The following PLEKHG4B variants were observed in gnomAD, a reference collection of about 807,000 sequenced individuals.
The protein encoded by PLEKHG4B is pleckstrin homology and RhoGEF domain containing G4B.
Under a neutral mutation model 121.3 loss-of-function variants are expected in PLEKHG4B, and 111 were observed. The ratio of observed to expected loss-of-function variants is 0.92; its 90% confidence interval spans 0.78 to 1.07. PLEKHG4B has a LOEUF of 1.07. Ranked by LOEUF, PLEKHG4B falls within the 50% of genes least tolerant of loss-of-function variation. The pLI is 0.00. For missense variants in PLEKHG4B, 1,831 were observed against 1,757.8 expected (o/e 1.04, Z -0.74); for synonymous variants, 738 against 725.0 (o/e 1.02, Z -0.29).
chr5:143,559 G>A, intron 5 of PLEKHG4B, 56 bp downstream of exon 5: 1 of 1,591,014 alleles, frequency 6.3e-7, no homozygotes, highest in Middle Eastern at 1.7e-4. Flanking sequence ...AGCTGCATGT[G>A]TGTGGCAAAG....
intron 2 of PLEKHG4B, among the ~76,000 whole-genome samples, chr5:115,074 G>C (rs1478952550): frequency 6.6e-6 from 1 of 152,210 alleles, no homozygotes; most frequent in Non-Finnish European, 1.5e-5. Context: ...ACTCTCTATG[G>C]CAGCTATAGT....
At chr5:176,366 C>G (rs568859403) in intron 18 of PLEKHG4B, among the ~76,000 whole-genome samples, 18 of 152,370 alleles carry the variant, frequency 1.2e-4, no homozygotes, top group Admixed American at 5.9e-4. Flanking sequence ...TCTGGTGTTC[C>G]AAGCACCTGG....
At chr5:174,133 CA>C (rs1457216660) in intron 18 of PLEKHG4B, 35 bp downstream of exon 18, 2 of 1,448,146 alleles carry the variant, frequency 1.4e-6, no homozygotes, top group South Asian at 2.5e-5. Flanking sequence ...CTGCCAGGCT[CA>C]GGGGCACAGC....
intron 1 of PLEKHG4B, among the ~76,000 whole-genome samples, chr5:112,692 T>G (rs1277139413): frequency 6.6e-6 from 1 of 152,220 alleles, no homozygotes; most frequent in Non-Finnish European, 1.5e-5. Context: ...CAGTACTGTT[T>G]AAATGAAAAC....
At position 163,007 on chromosome 5, in the gene PLEKHG4B, C is replaced by T. The variant is rs116565257; in HGVS notation, c.2935C>T (p.Arg979Cys). 352 of 1,565,402 alleles carry T rather than the reference C, an allele frequency of 2.2e-4. 1 individual carries two copies. The East Asian group carries it at 5.6e-3, about 25-fold the overall frequency. The change falls in exon 13 of 20, where the codon CGT becomes TGT. Residue 979 changes from arginine to cysteine, a missense_variant. Arg to Cys is a radical substitution (Grantham distance 180). Coordinates refer to ENST00000637938, the MANE Select transcript of PLEKHG4B (RefSeq NM_052909.5). ...PLAQSPPKHE[R>C]AQEAMRRHQK... ...TGCCCAGAGCCCCCCAAAGCATGAGCGTGCCCAGGAGGCCATGAGGAGGCA... is the reference window on the plus strand; with the variant it reads ...TGCCCAGAGCCCCCCAAAGCATGAGTGTGCCCAGGAGGCCATGAGGAGGCA...
chr5:148,360 AAT>A (rs908170687), intron 6 of PLEKHG4B, among the ~76,000 whole-genome samples: 10 of 151,770 alleles, frequency 6.6e-5, no homozygotes, highest in African/African-American at 2.4e-4. Context: ...AAAAAAAATA[AAT>A]AAAAATAAGT....
chr5:181,414 C>A, intron 18 of PLEKHG4B, 100 bp from the exon 19 acceptor site: 1 of 1,305,048 alleles, frequency 7.7e-7, no homozygotes, highest in Non-Finnish European at 1.1e-6. Flanking sequence ...CCTGTACACC[C>A]TCCTGGTTTG....
rs114460002 is a variant in PLEKHG4B at position 163,337 on chromosome 5, C to T, written c.3265C>T (p.Pro1089Ser). 222 of 1,613,358 alleles carry T rather than the reference C, an allele frequency of 1.4e-4. No homozygotes were observed. In the African/African-American group the frequency reaches 2.6e-3, roughly 19 times the overall value. The change falls in exon 13 of 20, where the codon CCT (proline) becomes TCT (serine). Residue 1089 changes from proline (P) to serine (S), a missense_variant. Coordinates refer to ENST00000637938, the MANE Select transcript of PLEKHG4B (RefSeq NM_052909.5). ...MIKKTQSFEI[P>S]QPDSGPRDSC... Reference sequence around the variant, plus strand: ...AAAGAAAACGCAAAGTTTCGAGATACCTCAGCCCGACAGTGGCCCCAGGGA... The same window carrying T: ...AAAGAAAACGCAAAGTTTCGAGATATCTCAGCCCGACAGTGGCCCCAGGGA...
chr5:96,144 A>G (rs1031334099), intron 1 of PLEKHG4B, among the ~76,000 whole-genome samples: 3 of 152,208 alleles, frequency 2.0e-5, no homozygotes, highest in African/African-American at 7.2e-5. Flanking sequence ...CTGTGCACAC[A>G]CTGGCCCAGG....
In PLEKHG4B at chr5:162,851, G is replaced by GT. The variant is rs1560941511; in HGVS notation, c.2780dup (p.Leu928AlafsTer33). The GT allele has an allele frequency of 1.3e-6, 2 of 1,516,060 alleles. No homozygotes were observed. Among genetic ancestry groups the GT allele is most frequent in the Non-Finnish European group, 1.8e-6 (2 of 1,131,696 alleles). The allele number at this position is 1,516,060 out of a possible 1,614,324, so 93.9% of individuals were successfully genotyped here. A position where few individuals can be genotyped will look rare whatever the true frequency, so the allele number is the denominator to read the frequency against. On this transcript the variant is annotated frameshift_variant, in exon 13 of 20. Coordinates refer to ENST00000637938, the MANE Select transcript of PLEKHG4B (RefSeq NM_052909.5). LOFTEE classifies it high-confidence loss of function. ...GGCCTTCCCCGGGGCAGGTGTGGCA[G>GT]TGCTGAAGCCTCATGCCCTGGGGAA... is the stretch of plus-strand genomic sequence containing the variant.
At chr5:114,012 G>A (rs1431917038) in intron 2 of PLEKHG4B, among the ~76,000 whole-genome samples, 2 of 152,186 alleles carry the variant, frequency 1.3e-5, no homozygotes, top group Non-Finnish European at 2.9e-5. Context: ...TACAAGTTAC[G>A]TTTACACTAT....
intron 7 of PLEKHG4B, among the ~76,000 whole-genome samples, chr5:152,644 G>A (rs1352085033): frequency 6.6e-6 from 1 of 152,020 alleles, no homozygotes; most frequent in East Asian, 1.9e-4. Context: ...CTTCATATCA[G>A]GTTGTTCCCA....
Position 172,123 on chromosome 5 carries a change from A to G in PLEKHG4B, c.4050+679A>G, listed in dbSNP as rs571996068. On this transcript the variant is annotated intron_variant, in intron 16 of 19. Transcript: ENST00000637938. ...GGTGGGACCCCACATGAGCTGGAAA[A>G]GGCAGGCCCATCTCGGGCCCCCAAC... 1.6e-4 allele frequency among the ~76,000 whole-genome samples: 24 copies of G among 152,252 alleles called. 1 individual carries two copies. The South Asian group carries it at 4.6e-3, about 29-fold the overall frequency.
rs201847514 is a variant in PLEKHG4B at position 164,950 on chromosome 5, TTA to T, written c.3476+1403_3476+1404del. 2.5e-3 allele frequency among the ~76,000 whole-genome samples: 87 copies of T among 34,478 alleles called. 7 individuals carry two copies. Among genetic ancestry groups the T allele is most frequent in the African/African-American group, 2.8e-3 (24 of 8,426 alleles). The allele number at this position is 34,478 out of a possible 152,430, so 22.6% of individuals were successfully genotyped here. On this transcript the variant is annotated intron_variant, in intron 13 of 19. Coordinates refer to ENST00000637938, the MANE Select transcript of PLEKHG4B (RefSeq NM_052909.5). ...CACTAATGCTGTGACGGGGCGGGGC[TTA>T]CACACTAATGCTCTGACGGGGCGGA...
chr5:130,649 G>C (rs1389130020), intron 2 of PLEKHG4B, among the ~76,000 whole-genome samples: 1 of 152,226 alleles, frequency 6.6e-6, no homozygotes, highest in Admixed American at 6.5e-5. Context: ...CTGAGCTGCA[G>C]CACTTAAACA....
rs1310409418 is a variant in PLEKHG4B at position 171,116 on chromosome 5, G to T, written c.3803G>T (p.Gly1268Val). 6.2e-7 allele frequency: 1 copy of T among 1,613,086 alleles called. No individual in the cohort carries two copies. Among genetic ancestry groups the T allele is most frequent in the Non-Finnish European group, 8.5e-7 (1 of 1,179,728 alleles). ...TCGGATGCCCTGCTCAGCAGCCATGGCAACGCCTTCTTCAAGGTCATCCCC... is the reference window on the plus strand; with the variant it reads ...TCGGATGCCCTGCTCAGCAGCCATGTCAACGCCTTCTTCAAGGTCATCCCC... ...PQSDALLSSH[G>V]NAFFKDKQRE... Residue 1268 changes from glycine (G) to valine (V), a missense_variant, in exon 15 of 20, where the codon GGC becomes GTC. By Grantham distance (109) the Gly-to-Val change is moderately radical. Transcript: ENST00000637938.
intron 3 of PLEKHG4B, among the ~76,000 whole-genome samples, chr5:141,693 A>AT (rs1735209148): frequency 6.7e-6 from 1 of 150,060 alleles, no homozygotes; most frequent in Admixed American, 6.6e-5. Context: ...TAATGACAAC[A>AT]TATTTCTTAA....
intron 2 of PLEKHG4B, among the ~76,000 whole-genome samples, chr5:114,615 G>A (rs1443566453): frequency 1.3e-5 from 2 of 152,072 alleles, no homozygotes; most frequent in Non-Finnish European, 2.9e-5. Flanking sequence ...CCACCACCAT[G>A]CCTGGCTGAT....
At chr5:92,387 G>A (rs1428887186) in intron 1 of PLEKHG4B, 111 bp downstream of exon 1, 1 of 62,760 alleles carries the variant, frequency 1.6e-5, no homozygotes, top group African/African-American at 8.0e-5. Flanking sequence ...CCGGAGTAGG[G>A]GCGGGTGGGG....
Sources: gnomAD v4.1 joint callset for allele counts (sites outside exome capture counted in the v4.1 genomes callset) on GRCh38, gnomAD v4.1.1 for gene constraint, MANE v1.5 for transcripts, NCBI Gene and HGNC (gene_info 2026-07-23, HGNC 2026-07-21) for gene names.